Variants in ZBTB37 observed in about 807,000 individuals in gnomAD.
The protein encoded by ZBTB37 is zinc finger and BTB domain-containing protein 37.
ZBTB37 carries 15 observed loss-of-function variants against 37.7 expected under a neutral mutation model. That is an observed-to-expected ratio of 0.40 (90% CI 0.27 to 0.61). The LOEUF (loss-of-function observed/expected upper bound fraction) is 0.61, where lower values mean the gene tolerates loss of function less well. ZBTB37 is among the 20% of genes least tolerant of loss of function. ZBTB37 has a pLI of 0.44. For synonymous variants in ZBTB37, 231 were observed against 220.6 expected (o/e 1.05, Z -0.42); for missense variants, 514 against 641.9 (o/e 0.80, Z 2.15).
At chr1:173,869,026 G>C (rs1655291759) in exon 2 of ZBTB37, 1 of 152,582 alleles carries the variant, frequency 6.6e-6, no homozygotes, top group South Asian at 2.1e-4. Flanking sequence ...GCTGGTGTAG[G>C]CTCCAAAATA....
chr1:173,894,078 A>C (rs1259659087), exon 4 of ZBTB37: 1 of 152,240 alleles, frequency 6.6e-6, no homozygotes, highest in East Asian at 1.9e-4. Flanking sequence ...AAGGTTCTTC[A>C]AAAGCTGATG....
chr1:173,871,342 T>C (rs1336129904), intron 3 of ZBTB37, among the ~76,000 whole-genome samples, 194 bp downstream of exon 3: 3 of 152,246 alleles, frequency 2.0e-5, no homozygotes, highest in East Asian at 3.8e-4. Context: ...ATTCCTGAAG[T>C]ATTCACAATG....
chr1:173,870,628 G>T lies in ZBTB37; in HGVS notation c.403G>T (p.Glu135Ter). Residue 135 changes from glutamate to a stop codon, truncating the protein, a stop_gained, in exon 3 of 5, where the codon GAA (glutamate) becomes TAA (stop). Coordinates refer to ENST00000427304, the Ensembl canonical transcript of ZBTB37. LOFTEE classifies it high-confidence loss of function. Reference sequence around the variant, plus strand: ...TTTCAAAATTAATGTGGCTGAGGTTGAAGCAGAATTAAGTCAAACAAGGAC... The same window carrying T: ...TTTCAAAATTAATGTGGCTGAGGTTTAAGCAGAATTAAGTCAAACAAGGAC... 6.2e-7 allele frequency: 1 copy of T among 1,614,206 alleles called. No individual in the cohort carries two copies. The highest frequency in any genetic ancestry group is 2.2e-5 in the East Asian group (1 of 44,892).
rs760357567 is a variant in ZBTB37 at position 173,870,616 on chromosome 1, G to A, written c.391G>A (p.Val131Met). 7 of 1,614,036 alleles carry A rather than the reference G, an allele frequency of 4.3e-6. No individual in the cohort carries two copies. The highest frequency in any genetic ancestry group is 5.1e-6 in the Non-Finnish European group (6 of 1,180,044). Reference sequence around the variant, plus strand: ...GGAGGGCATTCATTTCAAAATTAATGTGGCTGAGGTTGAAGCAGAATTAAG... The same window carrying A: ...GGAGGGCATTCATTTCAAAATTAATATGGCTGAGGTTGAAGCAGAATTAAG... The change falls in exon 3 of 5, where the codon GTG becomes ATG. Residue 131 changes from valine (V) to methionine (M), a missense_variant. Transcript: ENST00000427304.
exon 4 of ZBTB37, chr1:173,898,140 T>A (rs2102765837): frequency 6.6e-6 from 1 of 152,174 alleles, no homozygotes; most frequent in South Asian, 2.1e-4. Flanking sequence ...AGATGGAGTC[T>A]CCCTATGTTG....
At chr1:173,871,309 A>ATTT (rs1655545463) in intron 3 of ZBTB37, among the ~76,000 whole-genome samples, 161 bp downstream of exon 3, 1 of 152,150 alleles carries the variant, frequency 6.6e-6, no homozygotes, top group Non-Finnish European at 1.5e-5. Flanking sequence ...TTGCATTCTT[A>ATTT]TTTTTTTAAA....
intron 3 of ZBTB37, among the ~76,000 whole-genome samples, chr1:173,871,501 C>T (rs1655560702): frequency 3.3e-5 from 5 of 152,188 alleles, no homozygotes; most frequent in Admixed American, 3.3e-4. Flanking sequence ...CATTGCCCTT[C>T]CTTGGTGTGT....
At chr1:173,874,988 A>G (rs1346251672) in intron 4 of ZBTB37, among the ~76,000 whole-genome samples, 2 of 152,082 alleles carry the variant, frequency 1.3e-5, no homozygotes, top group Non-Finnish European at 2.9e-5. Context: ...AAAAAGTAAG[A>G]TTGTGGAACT....
intron 3 of ZBTB37, among the ~76,000 whole-genome samples, chr1:173,873,162 G>A (rs907772576): frequency 6.6e-6 from 1 of 151,994 alleles, no homozygotes; most frequent in Non-Finnish European, 1.5e-5. Flanking sequence ...TATAGGCCCC[G>A]TTTTAATTTA....
downstream of ZBTB37, chr1:173,887,596 C>A (rs1338231627): frequency 6.6e-6 from 1 of 152,168 alleles, no homozygotes; most frequent in Non-Finnish European, 1.5e-5. Context: ...GATACCCCGT[C>A]TTTCATGAAG....
rs149576664 is a variant in ZBTB37, at chr1:173,874,644, C to T, written c.1023+1078C>T. Among the ~76,000 whole-genome samples, 89 of 152,150 alleles carry T rather than the reference C, an allele frequency of 5.8e-4. No individual in the cohort carries two copies. The East Asian group carries it at 8.5e-3, about 15-fold the overall frequency. On this transcript the variant is annotated intron_variant, in intron 4 of 4. Coordinates refer to ENST00000427304, the Ensembl canonical transcript of ZBTB37. The stretch of plus-strand genomic sequence containing the variant: ...GGGATTACAGGTGTGAGCCACTGCA[C>T]CCAGCCACTGCACCCAGCCCAGAAA...
chr1:173,887,449 A>G (rs1170162899), downstream of ZBTB37: 1 of 152,186 alleles, frequency 6.6e-6, no homozygotes, highest in East Asian at 1.9e-4. Flanking sequence ...TCAAAGGATC[A>G]ATTTTGGTCA....
chr1:173,901,275 C>T (rs1221184864), exon 4 of ZBTB37: 3 of 152,150 alleles, frequency 2.0e-5, no homozygotes, highest in African/African-American at 7.2e-5. Context: ...GTTCTCAGTC[C>T]ATTAATTTTT....
At chr1:173,875,676 C>T (rs1467372585) in intron 4 of ZBTB37, among the ~76,000 whole-genome samples, 2 of 151,394 alleles carry the variant, frequency 1.3e-5, no homozygotes, top group Non-Finnish European at 2.9e-5. Context: ...TTTTCTGAGA[C>T]AGGGTCTCAC....
chr1:173,870,774 T>C (rs1169924302), exon 3 of ZBTB37: 5 of 1,614,114 alleles, frequency 3.1e-6, no homozygotes, highest in Non-Finnish European at 4.2e-6. Flanking sequence ...CTGTGCTGGA[T>C]ATCAGAGAGC....
At chr1:173,873,008 A>G (rs1655676170) in intron 3 of ZBTB37, among the ~76,000 whole-genome samples, 2 of 147,538 alleles carry the variant, frequency 1.4e-5, no homozygotes, top group Admixed American at 6.8e-5. Context: ...CTCTGTCTCA[A>G]AAAAAAAAAA....
At chr1:173,870,704 A>G (rs771338242) in exon 3 of ZBTB37, 21 of 1,613,840 alleles carry the variant, frequency 1.3e-5, no homozygotes, top group African/African-American at 8.0e-5. Flanking sequence ...CCAAATCTCA[A>G]CCGCTCCCTT....
downstream of ZBTB37, chr1:173,889,953 T>C (rs988148122): frequency 2.0e-5 from 3 of 152,220 alleles, no homozygotes; most frequent in Admixed American, 6.5e-5. Flanking sequence ...AAAAAACTTT[T>C]TCCCCCCGAC....
intron 2 of ZBTB37, 105 bp downstream of exon 2, chr1:173,869,225 C>G (rs1238316594): frequency 2.0e-5 from 3 of 152,228 alleles, no homozygotes; most frequent in African/African-American, 7.2e-5. Flanking sequence ...AGAGTAAGTT[C>G]CTGAAGTTTC....
Sources: gnomAD v4.1 joint callset for allele counts (sites outside exome capture counted in the v4.1 genomes callset) on GRCh38, gnomAD v4.1.1 for gene constraint, MANE v1.5 for transcripts, NCBI Gene and HGNC (gene_info 2026-07-23, HGNC 2026-07-21) for gene names.